Variants in GPC3 observed in about 807,000 individuals in gnomAD.
GPC3 encodes glypican 3.
In GPC3, 3 loss-of-function variants were observed where a neutral mutation model predicts 34.4. The observed-to-expected ratio is 0.09, with a 90% confidence interval of 0.04 to 0.23. The LOEUF (loss-of-function observed/expected upper bound fraction) is 0.23, where lower values mean the gene tolerates loss of function less well. GPC3 is among the 10% of genes least tolerant of loss of function. The probability of loss-of-function intolerance (pLI) is 1.00; values close to 1 mark genes in which losing one functional copy is unlikely to be tolerated. For synonymous variants in GPC3, 177 were observed against 174.0 expected, an observed-to-expected ratio of 1.02 and a Z score of -0.13; for missense variants, 351 against 445.6, an observed-to-expected ratio of 0.79 and a Z score of 1.91.
chrX:133,867,957 C>T lies in GPC3; in HGVS notation c.337+85093G>A, dbSNP rs1171845547. 4.6e-5 allele frequency among the ~76,000 whole-genome samples: 5 copies of T among 109,248 alleles called. No homozygotes were observed. The East Asian group carries it at 1.5e-3, about 32-fold the overall frequency. 94.9% of individuals were successfully genotyped at this position (109,248 alleles called of 115,157 possible). On this transcript the variant is annotated intron_variant, in intron 2 of 7. Transcript: ENST00000370818. ...GAAGATCATCTTCCCACTCCATCCC[C>T]TTTCCAGCTCCCCGTCCATCCCACT...
In GPC3 at chrX:133,582,315, A is replaced by G. The variant is rs180913301; in HGVS notation, c.1573+14125T>C. 1.1e-3 allele frequency among the ~76,000 whole-genome samples: 119 copies of G among 112,185 alleles called. 1 individual carries two copies. The highest frequency in any genetic ancestry group is 1.3e-3 in the Non-Finnish European group (70 of 53,277). ...AACAACTGACTCACAGGAATTCTGA[A>G]AATTTAACAATTGGCTCTCGTGAGC... On this transcript the variant is annotated intron_variant, in intron 7 of 7. Coordinates refer to ENST00000370818, the MANE Select transcript of GPC3 (RefSeq NM_004484.4).
intron 2 of GPC3, among the ~76,000 whole-genome samples, chrX:133,882,661 C>T (rs1451919932): frequency 9.0e-6 from 1 of 110,645 alleles, no homozygotes; most frequent in Non-Finnish European, 1.9e-5. Flanking sequence ...TGCCCCAAAT[C>T]GAGAGAAAAG....
intron 3 of GPC3, among the ~76,000 whole-genome samples, chrX:133,703,703 A>G (rs1266201589): frequency 2.7e-5 from 3 of 111,668 alleles, no homozygotes; most frequent in East Asian, 2.8e-4. Flanking sequence ...CTCGTGATCC[A>G]CCCACCTTGG....
intron 4 of GPC3, among the ~76,000 whole-genome samples, chrX:133,695,522 G>A (rs914361612): frequency 1.8e-5 from 2 of 111,597 alleles, no homozygotes; most frequent in Non-Finnish European, 3.8e-5. Context: ...TATGGGGAGG[G>A]ACGCCCCTTG....
chrX:133,870,828 T>C (rs2075991207), intron 2 of GPC3, among the ~76,000 whole-genome samples: 1 of 111,964 alleles, frequency 8.9e-6, no homozygotes, highest in Non-Finnish European at 1.9e-5. Flanking sequence ...CCAATGACTT[T>C]TAGAGTTGCT....
intron 6 of GPC3, among the ~76,000 whole-genome samples, chrX:133,658,325 G>C (rs1249253724): frequency 1.8e-5 from 2 of 112,124 alleles, no homozygotes; most frequent in African/African-American, 6.5e-5. Flanking sequence ...AATGAGATAA[G>C]GTTTAAGAGT....
At chrX:133,541,259 A>C (rs2069340222) in intron 7 of GPC3, among the ~76,000 whole-genome samples, 2 of 105,017 alleles carry the variant, frequency 1.9e-5, no homozygotes, top group South Asian at 8.4e-4. Context: ...AAACAAAAAC[A>C]AAAAAAAAAC....
chrX:133,713,333 G>A (rs748593106), intron 3 of GPC3, among the ~76,000 whole-genome samples: 2 of 112,143 alleles, frequency 1.8e-5, no homozygotes, highest in African/African-American at 6.5e-5. Context: ...TCATAAGTCA[G>A]GGTAGTGACA....
intron 2 of GPC3, among the ~76,000 whole-genome samples, chrX:133,859,982 A>G (rs973102394): frequency 1.8e-5 from 2 of 110,765 alleles, no homozygotes; most frequent in Non-Finnish European, 3.8e-5. Flanking sequence ...GGGTGGTGCC[A>G]CGCTCTTTTT....
chrX:133,850,940 CAA>C (rs10710959), intron 2 of GPC3, among the ~76,000 whole-genome samples: 1,000 of 95,103 alleles, frequency 0.011, 14 homozygotes, highest in African/African-American at 0.034. Context: ...ACTAAAAATA[CAA>C]AAAAAAAAAA....
At chrX:133,954,647 T>C (rs886108708) in intron 1 of GPC3, among the ~76,000 whole-genome samples, 2 of 109,772 alleles carry the variant, frequency 1.8e-5, no homozygotes, top group Admixed American at 1.9e-4. Flanking sequence ...TGATTTTATA[T>C]CCTCCACCAA....
intron 2 of GPC3, among the ~76,000 whole-genome samples, chrX:133,775,050 T>C (rs1157253544): frequency 8.9e-6 from 1 of 111,946 alleles, no homozygotes; most frequent in Non-Finnish European, 1.9e-5. Context: ...GTCAGGCTAC[T>C]GTCTGGCCTT....
intron 6 of GPC3, among the ~76,000 whole-genome samples, chrX:133,604,293 T>C (rs1035212114): frequency 1.8e-5 from 2 of 112,252 alleles, no homozygotes; most frequent in African/African-American, 6.5e-5. Flanking sequence ...TGTACATTTT[T>C]GCCATCTTTA....
At chrX:133,937,786 T>C (rs1348917449) in intron 2 of GPC3, among the ~76,000 whole-genome samples, 1 of 111,949 alleles carries the variant, frequency 8.9e-6, no homozygotes, top group Non-Finnish European at 1.9e-5. Context: ...ATATTAGAAA[T>C]GTTGTAATAA....
intron 6 of GPC3, among the ~76,000 whole-genome samples, chrX:133,598,658 A>C (rs1165593510): frequency 8.9e-6 from 1 of 112,157 alleles, no homozygotes; most frequent in Admixed American, 9.5e-5. Flanking sequence ...TTGATACTAC[A>C]TTAAAAACTC....
intron 6 of GPC3, among the ~76,000 whole-genome samples, chrX:133,644,881 AGTGATTCTC>A (rs1176112008): frequency 5.4e-5 from 6 of 110,777 alleles, no homozygotes; most frequent in Non-Finnish European, 1.1e-4. Flanking sequence ...CCCAGGTTCA[AGTGATTCTC>A]GTGCCTCAGC....
intron 2 of GPC3, among the ~76,000 whole-genome samples, chrX:133,899,871 C>T (rs953478887): frequency 9.0e-6 from 1 of 111,585 alleles, no homozygotes; most frequent in African/African-American, 3.3e-5. Flanking sequence ...GGCATGATCT[C>T]GGCTCACTGC....
chrX:133,731,260 C>T (rs897273059), intron 3 of GPC3, among the ~76,000 whole-genome samples: 9 of 112,614 alleles, frequency 8.0e-5, no homozygotes, highest in Non-Finnish European at 1.3e-4. Context: ...TGCCATGGGG[C>T]TAATCCAAAA....
chrX:133,646,211 G>C (rs1181083386), intron 6 of GPC3, among the ~76,000 whole-genome samples: 1 of 110,969 alleles, frequency 9.0e-6, no homozygotes, highest in Non-Finnish European at 1.9e-5. Flanking sequence ...CTAGGGCAAC[G>C]ACATGGGGAC....
Sources: allele counts gnomAD v4.1 joint callset (sites outside exome capture counted in the v4.1 genomes callset), GRCh38; gene constraint gnomAD v4.1.1; transcripts MANE v1.5; gene names NCBI Gene and HGNC (gene_info 2026-07-23, HGNC 2026-07-21).